The following FBN2 variants were observed in gnomAD, a reference collection of about 807,000 sequenced individuals.
The protein encoded by FBN2 is fibrillin 2.
In FBN2, 105 loss-of-function variants were observed where a neutral mutation model predicts 355.6. The ratio of observed to expected loss-of-function variants is 0.30; its 90% CI spans 0.25 to 0.35. FBN2 has a LOEUF of 0.35. Ranked by LOEUF, FBN2 falls within the 10% of genes least tolerant of loss-of-function variation. The pLI, the probability that FBN2 is intolerant of heterozygous loss-of-function variation, is 1.00. For missense variants in FBN2, 3,280 were observed against 3,758.7 expected, an observed-to-expected ratio of 0.87 and a Z score of 3.33; for synonymous variants, 1,350 against 1,301.2, an observed-to-expected ratio of 1.04 and a Z score of -0.81.
rs1410783247 is a variant in FBN2, at chr5:128,393,040, C to T, written c.1465+95G>A. ...ACACACACACATGTGCAAGTGTGTT[C>T]ATACAACCCTTTTGAAAAATTAAAA... On this transcript the variant is annotated intron_variant, in intron 10 of 64. Coordinates refer to ENST00000262464, the MANE Select transcript of FBN2 (RefSeq NM_001999.4). 5 of 991,530 alleles carry T rather than the reference C, an allele frequency of 5.0e-6. No individual in the cohort carries two copies. In the Admixed American group the frequency reaches 8.5e-5, roughly 17 times the overall value. 61.4% of individuals were successfully genotyped at this position (991,530 alleles called of 1,614,324 possible). A position where few individuals can be genotyped will look rare whatever the true frequency, so the allele number is the denominator to read the frequency against.
rs1467285902 is a variant in FBN2 at position 128,263,688 on chromosome 5, G to C, written c.7961-32C>G. ...AAACGAAGAAAGAAACTCTTACACGGGGAAGCAGGCAAGAGCAAAAACGTG... is the reference window on the plus strand; with the variant it reads ...AAACGAAGAAAGAAACTCTTACACGCGGAAGCAGGCAAGAGCAAAAACGTG... On this transcript the variant is annotated intron_variant, in intron 62 of 64. Transcript: ENST00000262464. The C allele has an allele frequency of 5.8e-6, 9 of 1,560,424 alleles. No homozygotes were observed. In the Middle Eastern group the frequency reaches 5.1e-4, roughly 88 times the overall value.
At chr5:128,534,823 G>A (rs563109910) in intron 2 of FBN2, among the ~76,000 whole-genome samples, 97 of 152,208 alleles carry the variant, frequency 6.4e-4, no homozygotes, top group Non-Finnish European at 1.2e-3. Flanking sequence ...TTTTCAACAC[G>A]TACCATGAAC....
At chr5:128,399,614 C>T (rs1418686540) in intron 8 of FBN2, among the ~76,000 whole-genome samples, 1 of 151,934 alleles carries the variant, frequency 6.6e-6, no homozygotes, top group South Asian at 2.1e-4. Context: ...TAAGTACTAA[C>T]ATATTAAACA....
intron 52 of FBN2, among the ~76,000 whole-genome samples, chr5:128,288,775 C>T (rs1224487732): frequency 6.6e-6 from 1 of 152,206 alleles, no homozygotes; most frequent in Non-Finnish European, 1.5e-5. Context: ...AATACTCGCC[C>T]TAAAGATGAC....
intron 48 of FBN2, among the ~76,000 whole-genome samples, chr5:128,291,953 C>T (rs973965963): frequency 2.0e-5 from 3 of 152,066 alleles, no homozygotes; most frequent in Non-Finnish European, 2.9e-5. Context: ...GCATTGCAGG[C>T]TCCATGTGGC....
chr5:128,332,178 A>G (rs1750712089), intron 32 of FBN2, among the ~76,000 whole-genome samples: 1 of 152,182 alleles, frequency 6.6e-6, no homozygotes, highest in Non-Finnish European at 1.5e-5. Flanking sequence ...ATCCTTACTG[A>G]GGGCCTATAT....
chr5:128,349,926 T>C (rs933147058), intron 22 of FBN2, 29 bp downstream of exon 22: 4 of 1,550,212 alleles, frequency 2.6e-6, no homozygotes, highest in African/African-American at 2.7e-5. Flanking sequence ...AAAAGATGTA[T>C]AGTATCTTCC....
chr5:128,384,460 T>G (rs1277179026), intron 11 of FBN2, among the ~76,000 whole-genome samples: 1 of 152,114 alleles, frequency 6.6e-6, no homozygotes, highest in Non-Finnish European at 1.5e-5. Flanking sequence ...TGTATGTCAA[T>G]TAAACCACAA....
intron 10 of FBN2, 147 bp downstream of exon 10, chr5:128,392,988 G>GTCTC: frequency 1.5e-6 from 1 of 686,620 alleles, no homozygotes; most frequent in Non-Finnish European, 2.6e-6. Flanking sequence ...TTTTCCCTCT[G>GTCTC]TCTCTCTCTC....
At chr5:128,387,222 G>A (rs1752389462) in intron 11 of FBN2, among the ~76,000 whole-genome samples, 1 of 151,970 alleles carries the variant, frequency 6.6e-6, no homozygotes, top group Admixed American at 6.6e-5. Flanking sequence ...TCTAGTTTGT[G>A]TGCACAGAGG....
chr5:128,423,907 A>G (rs1200942710), intron 7 of FBN2, among the ~76,000 whole-genome samples: 1 of 152,208 alleles, frequency 6.6e-6, no homozygotes, highest in Non-Finnish European at 1.5e-5. Flanking sequence ...TGAATTCAAA[A>G]TATATTTAGG....
chr5:128,262,589 G>A (rs754926337), intron 63 of FBN2, among the ~76,000 whole-genome samples: 1 of 152,174 alleles, frequency 6.6e-6, no homozygotes, highest in Non-Finnish European at 1.5e-5. Flanking sequence ...AAAGCTCCCT[G>A]CTTTAAAAAC....
At chr5:128,278,550 C>T in intron 57 of FBN2, 85 bp downstream of exon 57, 2 of 1,217,116 alleles carry the variant, frequency 1.6e-6, no homozygotes, top group East Asian at 2.3e-5. Flanking sequence ...TTGATTGTAT[C>T]AATTTTTCAC....
chr5:128,489,404 T>C (rs1232400880), intron 5 of FBN2, among the ~76,000 whole-genome samples: 3 of 151,462 alleles, frequency 2.0e-5, no homozygotes, highest in African/African-American at 4.9e-5. Flanking sequence ...TATTTAGCTG[T>C]TTCTTCTTAT....
chr5:128,374,839 A>C, intron 14 of FBN2, 89 bp from the exon 15 acceptor site: 1 of 1,370,684 alleles, frequency 7.3e-7, no homozygotes, highest in Non-Finnish European at 1.0e-6. Context: ...CTATACTACT[A>C]ACCTTTTGTT....
intron 7 of FBN2, among the ~76,000 whole-genome samples, chr5:128,415,935 C>T (rs1753183056): frequency 6.6e-6 from 1 of 151,938 alleles, no homozygotes; most frequent in Non-Finnish European, 1.5e-5. Context: ...TTTTGATTTG[C>T]ATGTCTCTCA....
At position 128,378,853 on chromosome 5, in the gene FBN2, T is replaced by C. The variant is rs1311388472; in HGVS notation, c.1641A>G (p.Gly547=). 6.2e-7 allele frequency: 1 copy of C among 1,613,084 alleles called. No homozygotes were observed. The highest frequency in any genetic ancestry group is 8.5e-7 in the Non-Finnish European group (1 of 1,179,238). ...AGGAACCAGGTGTGTTAACACAATC[T>C]CCATTAGTGCAGGGATTTGATGTGC... ...DECTSNPCTN[G]DCVNTPGSYY... Residue 547 remains glycine (G), a synonymous_variant, in exon 12 of 65, where the codon GGA becomes GGG. Coordinates refer to ENST00000262464, the MANE Select transcript of FBN2 (RefSeq NM_001999.4).
chr5:128,451,124 T>C (rs892180198), intron 6 of FBN2, among the ~76,000 whole-genome samples: 2 of 152,160 alleles, frequency 1.3e-5, no homozygotes, highest in African/African-American at 4.8e-5. Context: ...ATTTGCCCTA[T>C]TATTTTTTGG....
At chr5:128,509,172 C>A (rs1756044413) in intron 5 of FBN2, among the ~76,000 whole-genome samples, 1 of 152,024 alleles carries the variant, frequency 6.6e-6, no homozygotes, top group Admixed American at 6.6e-5. Context: ...ATTATTTCTT[C>A]AAATATATTT....
Sources: gnomAD v4.1 joint callset for allele counts (sites outside exome capture counted in the v4.1 genomes callset) on GRCh38, gnomAD v4.1.1 for gene constraint, MANE v1.5 for transcripts, NCBI Gene and HGNC (gene_info 2026-07-23, HGNC 2026-07-21) for gene names.